The following SERPINE2 variants were observed in gnomAD, a reference collection of about 807,000 sequenced individuals.
SERPINE2 encodes serpin family E member 2, also known as glia-derived nexin.
SERPINE2 carries 14 observed loss-of-function variants against 36.3 expected under a neutral mutation model. The observed-to-expected ratio is 0.39, with a 90% confidence interval of 0.25 to 0.60. The LOEUF (loss-of-function observed/expected upper bound fraction) is 0.60. Among genes scored for constraint, SERPINE2 ranks in the 20% least tolerant of loss-of-function variants. The pLI is 0.57. For synonymous variants in SERPINE2, 192 were observed against 191.8 expected (o/e 1.00, Z -0.01); for missense variants, 418 against 499.6 (o/e 0.84, Z 1.56).
At chr2:224,002,865 G>T (rs1048409294) in intron 1 of SERPINE2, among the ~76,000 whole-genome samples, 1 of 151,868 alleles carries the variant, frequency 6.6e-6, no homozygotes, top group Non-Finnish European at 1.5e-5. Context: ...ACTGGGTGTC[G>T]GACCCTTTTC....
At chr2:224,008,944 C>T (rs1020005481) in intron 1 of SERPINE2, among the ~76,000 whole-genome samples, 5 of 152,164 alleles carry the variant, frequency 3.3e-5, no homozygotes, top group African/African-American at 1.2e-4. Context: ...TGACACTGAA[C>T]GGGTTTGCCT....
At chr2:223,983,507 C>A (rs1690303043) in intron 5 of SERPINE2, among the ~76,000 whole-genome samples, 1 of 152,074 alleles carries the variant, frequency 6.6e-6, no homozygotes, top group Admixed American at 6.5e-5. Flanking sequence ...CCCACCTCGG[C>A]CTCCCAAAGT....
intron 6 of SERPINE2, chr2:223,981,839 A>C (rs918129838): frequency 2.0e-5 from 3 of 152,224 alleles, no homozygotes; most frequent in Admixed American, 1.3e-4. Flanking sequence ...ATTTGAATTT[A>C]TATCGTTTCA....
chr2:224,036,099 G>C (rs1692525876), intron 1 of SERPINE2, among the ~76,000 whole-genome samples: 1 of 152,084 alleles, frequency 6.6e-6, no homozygotes, highest in African/African-American at 2.4e-5. Flanking sequence ...TGGCCTAAAG[G>C]GCACGGGTAA....
intron 1 of SERPINE2, among the ~76,000 whole-genome samples, chr2:224,004,108 A>C (rs1426119642): frequency 6.6e-6 from 1 of 152,174 alleles, no homozygotes; most frequent in African/African-American, 2.4e-5. Flanking sequence ...ATTTTTATTA[A>C]TTAATCTTTC....
intron 1 of SERPINE2, among the ~76,000 whole-genome samples, chr2:224,013,637 T>C (rs1032845977): frequency 6.6e-6 from 1 of 152,226 alleles, no homozygotes; most frequent in East Asian, 1.9e-4. Context: ...CTGGCTGTTC[T>C]GTTTCCTGAA....
At chr2:224,025,689 A>T (rs1401578004) in intron 1 of SERPINE2, among the ~76,000 whole-genome samples, 1 of 152,192 alleles carries the variant, frequency 6.6e-6, no homozygotes, top group Non-Finnish European at 1.5e-5. Flanking sequence ...TTCTAAGCAC[A>T]GCACCTCCTT....
chr2:224,035,320 C>G (rs978430473), intron 1 of SERPINE2, among the ~76,000 whole-genome samples: 1 of 152,156 alleles, frequency 6.6e-6, no homozygotes, highest in African/African-American at 2.4e-5. Context: ...CACTGGAAAC[C>G]CAGCAGCAGC....
Position 223,995,873 on chromosome 2 carries a change from T to C in SERPINE2, c.487+2242A>G, listed in dbSNP as rs116060975. Among the ~76,000 whole-genome samples the C allele has an allele frequency of 2.7e-3, 409 of 152,352 alleles. 4 individuals are homozygous for C. The highest frequency in any genetic ancestry group is 0.014 in the Middle Eastern group (4 of 294). ...TATTCTGAGACTCTGACTACTTTAT[T>C]ACGTATTTGAGTGTAGTTGTACCCA... On this transcript the variant is annotated intron_variant, in intron 3 of 8. Coordinates refer to ENST00000409304, the MANE Select transcript of SERPINE2 (RefSeq NM_001136528.2).
At chr2:224,013,457 C>T (rs772071938) in intron 1 of SERPINE2, among the ~76,000 whole-genome samples, 1 of 152,176 alleles carries the variant, frequency 6.6e-6, no homozygotes, top group Non-Finnish European at 1.5e-5. Context: ...TAGCTGGGTC[C>T]TGCTCCCTTT....
intron 4 of SERPINE2, among the ~76,000 whole-genome samples, chr2:223,989,846 T>G (rs1255402004): frequency 1.3e-5 from 2 of 152,098 alleles, no homozygotes; most frequent in Non-Finnish European, 2.9e-5. Flanking sequence ...AGTAAACAGA[T>G]AAGACATCAA....
chr2:223,983,717 C>T (rs187407200), intron 5 of SERPINE2, among the ~76,000 whole-genome samples: 11 of 137,732 alleles, frequency 8.0e-5, no homozygotes, highest in African/African-American at 1.7e-4. Flanking sequence ...CACACACACA[C>T]GTATATATAT....
intron 1 of SERPINE2, among the ~76,000 whole-genome samples, chr2:224,017,494 T>C (rs1172556966): frequency 6.6e-6 from 1 of 152,218 alleles, no homozygotes; most frequent in Non-Finnish European, 1.5e-5. Context: ...TGCATAATTG[T>C]ACATTCTCAT....
intron 1 of SERPINE2, among the ~76,000 whole-genome samples, chr2:224,023,075 T>C (rs1251994848): frequency 6.6e-6 from 1 of 152,134 alleles, no homozygotes; most frequent in Admixed American, 6.5e-5. Flanking sequence ...CCTTAATAAA[T>C]TACCCAGTCT....
intron 1 of SERPINE2, among the ~76,000 whole-genome samples, chr2:224,006,711 T>G (rs1691438993): frequency 6.6e-6 from 1 of 152,196 alleles, no homozygotes; most frequent in Non-Finnish European, 1.5e-5. Flanking sequence ...CAGCAAGTGT[T>G]TGATGTGCAA....
At chr2:224,006,454 C>T (rs963455899) in intron 1 of SERPINE2, among the ~76,000 whole-genome samples, 8 of 152,212 alleles carry the variant, frequency 5.3e-5, no homozygotes, top group African/African-American at 9.7e-5. Flanking sequence ...ACTCCTTCCA[C>T]GGTGTGTGTG....
chr2:224,035,486 G>A (rs1330553249), intron 1 of SERPINE2, among the ~76,000 whole-genome samples: 2 of 152,070 alleles, frequency 1.3e-5, no homozygotes, highest in African/African-American at 2.4e-5. Flanking sequence ...GGGTTCAAGC[G>A]ATTCTCCTGC....
At chr2:224,010,885 A>T (rs941576637) in intron 1 of SERPINE2, among the ~76,000 whole-genome samples, 3 of 152,202 alleles carry the variant, frequency 2.0e-5, no homozygotes, top group Admixed American at 1.3e-4. Flanking sequence ...TCAAGGATCA[A>T]GCTAAGAAAA....
intron 1 of SERPINE2, among the ~76,000 whole-genome samples, chr2:224,004,713 C>G (rs556552172): frequency 3.9e-5 from 6 of 152,012 alleles, no homozygotes; most frequent in African/African-American, 1.4e-4. Context: ...TAATATAGCA[C>G]AAAGTCATCA....
Sources: allele counts gnomAD v4.1 joint callset (sites outside exome capture counted in the v4.1 genomes callset), GRCh38; gene constraint gnomAD v4.1.1; transcripts MANE v1.5; gene names NCBI Gene and HGNC (gene_info 2026-07-23, HGNC 2026-07-21).